Variants in GRID1 observed in about 807,000 individuals in gnomAD.
GRID1 encodes the protein glutamate receptor ionotropic, delta-1.
A neutral mutation model predicts 98.0 loss-of-function variants in GRID1; 28 were observed. The observed-to-expected ratio is 0.29, with a 90% CI of 0.21 to 0.39. The LOEUF is 0.39. Among genes scored for constraint, GRID1 ranks in the 10% least tolerant of loss-of-function variants. The pLI is 1.00. For missense variants in GRID1, 1,111 were observed against 1,340.5 expected, an observed-to-expected ratio of 0.83 and a Z score of 2.67; for synonymous variants, 553 against 538.5, an observed-to-expected ratio of 1.03 and a Z score of -0.37.
intron 2 of GRID1, among the ~76,000 whole-genome samples, chr10:86,244,287 C>A (rs1372470029): frequency 6.6e-6 from 1 of 152,144 alleles, no homozygotes. Flanking sequence ...TTCAAGGGGG[C>A]AGAGTTGCGG....
In GRID1 at chr10:85,729,634, A is replaced by C. The variant is rs1164356392; in HGVS notation, c.1234-20T>G. The C allele has an allele frequency of 1.3e-6, 2 of 1,507,518 alleles. No homozygotes were observed. Among genetic ancestry groups the C allele is most frequent in the Non-Finnish European group, 9.2e-7 (1 of 1,083,606 alleles). 93.4% of individuals were successfully genotyped at this position (1,507,518 alleles called of 1,614,324 possible). ...CGCCAACTGTGAAGGAAAAATAAAGATTGTGAGGGATGGAACTGGCACCCG... is the reference window on the plus strand; with the variant it reads ...CGCCAACTGTGAAGGAAAAATAAAGCTTGTGAGGGATGGAACTGGCACCCG... On this transcript the variant is annotated intron_variant, in intron 8 of 15. Transcript: ENST00000327946.
chr10:85,753,176 G>A lies in GRID1; in HGVS notation c.1234-23562C>T, dbSNP rs140275094. Among the ~76,000 whole-genome samples the A allele has an allele frequency of 1.6e-3, 244 of 152,286 alleles. 1 individual carries two copies. The highest frequency in any genetic ancestry group is 5.7e-3 in the African/African-American group (235 of 41,566). On this transcript the variant is annotated intron_variant, in intron 8 of 15. Transcript: ENST00000327946. Reference sequence around the variant, plus strand: ...TCATCTGATTTAACTAGAAGAGGGAGGGACTTGTATTCTGTGTATCTTTAA... The same window carrying A: ...TCATCTGATTTAACTAGAAGAGGGAAGGACTTGTATTCTGTGTATCTTTAA...
intron 5 of GRID1, among the ~76,000 whole-genome samples, chr10:85,905,333 C>T (rs892010090): frequency 3.3e-5 from 5 of 151,762 alleles, no homozygotes; most frequent in African/African-American, 9.7e-5. Flanking sequence ...CATACAAAAG[C>T]GGCAAGCATT....
chr10:86,363,390 G>T (rs1208005926), intron 2 of GRID1, among the ~76,000 whole-genome samples: 1 of 152,212 alleles, frequency 6.6e-6, no homozygotes, highest in East Asian at 1.9e-4. Context: ...TCCAAACCTG[G>T]TGGAGGAGCG....
chr10:86,055,546 C>T (rs1403235919), intron 4 of GRID1, among the ~76,000 whole-genome samples: 1 of 152,094 alleles, frequency 6.6e-6, no homozygotes, highest in African/African-American at 2.4e-5. Context: ...AGTTTGAGAC[C>T]AGCCTGGCCA....
At chr10:85,711,981 A>C (rs546889388) in intron 12 of GRID1, among the ~76,000 whole-genome samples, 5 of 151,878 alleles carry the variant, frequency 3.3e-5, no homozygotes, top group South Asian at 2.1e-4. Flanking sequence ...ACTACTAAGA[A>C]TATAATAATA....
chr10:86,203,516 G>A (rs1013486072), intron 3 of GRID1, among the ~76,000 whole-genome samples: 8 of 94,018 alleles, frequency 8.5e-5, no homozygotes, highest in Non-Finnish European at 2.2e-4. Flanking sequence ...AAGCCAGGAC[G>A]AGCACTGGGC....
chr10:85,961,272 C>A (rs1343127832), intron 4 of GRID1, among the ~76,000 whole-genome samples: 1 of 152,196 alleles, frequency 6.6e-6, no homozygotes, highest in East Asian at 1.9e-4. Context: ...GAGCCTGCCC[C>A]TGCCTCCCTT....
intron 4 of GRID1, among the ~76,000 whole-genome samples, chr10:85,969,152 C>T (rs1842375729): frequency 6.6e-6 from 1 of 152,090 alleles, no homozygotes; most frequent in African/African-American, 2.4e-5. Flanking sequence ...TTTTATAAAC[C>T]TATGTTCATC....
chr10:86,212,589 C>T (rs529615555), intron 2 of GRID1, among the ~76,000 whole-genome samples: 2 of 152,226 alleles, frequency 1.3e-5, no homozygotes, highest in Non-Finnish European at 2.9e-5. Context: ...AGCACCTCTG[C>T]CGCCCCCAAG....
chr10:86,144,453 T>C (rs897044961), intron 3 of GRID1, among the ~76,000 whole-genome samples: 2 of 152,138 alleles, frequency 1.3e-5, no homozygotes, highest in Admixed American at 1.3e-4. Flanking sequence ...GGACCATCCA[T>C]GGGGAGGAGA....
chr10:85,879,026 G>T (rs1185935630), intron 5 of GRID1, among the ~76,000 whole-genome samples: 1 of 151,546 alleles, frequency 6.6e-6, no homozygotes, highest in South Asian at 2.1e-4. Flanking sequence ...GACAAAGAAG[G>T]CCATTACATG....
At chr10:86,237,366 C>A (rs935120087) in intron 2 of GRID1, among the ~76,000 whole-genome samples, 6 of 152,154 alleles carry the variant, frequency 3.9e-5, no homozygotes, top group African/African-American at 1.4e-4. Context: ...GCTGTTCTTA[C>A]AATAATGAGT....
At chr10:85,909,627 A>G (rs1056410975) in intron 5 of GRID1, among the ~76,000 whole-genome samples, 1 of 152,222 alleles carries the variant, frequency 6.6e-6, no homozygotes, top group African/African-American at 2.4e-5. Flanking sequence ...AAATAATTTC[A>G]TTGAGTAAAA....
At chr10:85,772,812 G>A (rs1440056533) in intron 8 of GRID1, among the ~76,000 whole-genome samples, 1 of 152,200 alleles carries the variant, frequency 6.6e-6, no homozygotes, top group Non-Finnish European at 1.5e-5. Flanking sequence ...AGCAGGCTCT[G>A]AAATTGGGGC....
chr10:86,366,264 C>T lies in GRID1; in HGVS notation c.79+50G>A, dbSNP rs944355958. ...AAGTTTGGACGCCGCGCACCCCCTG[C>T]CCCGTTGGGGCCCCCGCCCAGCCTC... On this transcript the variant is annotated intron_variant, in intron 1 of 15. Transcript: ENST00000327946. This position sits in a 1 kb window ranked among gnomAD's most constrained non-coding sequence, Gnocchi z 4.1. 4.5e-6 allele frequency: 6 copies of T among 1,341,486 alleles called. No homozygotes were observed. In the African/African-American group the frequency reaches 6.2e-5, roughly 14 times the overall value. 83.1% of individuals were successfully genotyped at this position (1,341,486 alleles called of 1,614,324 possible).
chr10:85,700,864 T>C (rs1841442801), intron 12 of GRID1, among the ~76,000 whole-genome samples: 3 of 152,190 alleles, frequency 2.0e-5, no homozygotes, highest in African/African-American at 7.2e-5. Context: ...AAGGAATGTA[T>C]AGATTCCTAA....
At chr10:86,333,661 G>A (rs1848181525) in intron 2 of GRID1, among the ~76,000 whole-genome samples, 1 of 152,188 alleles carries the variant, frequency 6.6e-6, no homozygotes, top group African/African-American at 2.4e-5. Context: ...ACCATAAACA[G>A]TCTATTAACA....
intron 5 of GRID1, among the ~76,000 whole-genome samples, chr10:85,887,617 T>A (rs1218551100): frequency 6.6e-6 from 1 of 152,154 alleles, no homozygotes; most frequent in Non-Finnish European, 1.5e-5. Context: ...GTCTAAGATA[T>A]TATGCAGAGA....
Sources: gnomAD v4.1 joint callset for allele counts (sites outside exome capture counted in the v4.1 genomes callset) on GRCh38, gnomAD v4.1.1 for gene constraint, Gnocchi (gnomAD v3.1) non-coding constraint, MANE v1.5 for transcripts, NCBI Gene and HGNC (gene_info 2026-07-23, HGNC 2026-07-21) for gene names.